TENM4: variants seen among roughly 807,000 people sequenced by gnomAD.
The protein encoded by TENM4 is teneurin transmembrane protein 4.
Under a neutral mutation model 243.3 loss-of-function variants are expected in TENM4, and 82 were observed. The ratio of observed to expected loss-of-function variants is 0.34; its 90% CI spans 0.28 to 0.40. The LOEUF is 0.40. Ranked by LOEUF, TENM4 falls within the 10% of genes least tolerant of loss-of-function variation. TENM4 has a pLI of 1.00. For synonymous variants in TENM4, 1,412 were observed against 1,456.3 expected (o/e 0.97, Z 0.69); for missense variants, 3,138 against 3,673.3 (o/e 0.85, Z 3.77).
intron 4 of TENM4, among the ~76,000 whole-genome samples, chr11:79,085,390 G>GAAA (rs1437598399): frequency 0.25 from 30,134 of 122,534 alleles, 3,318 homozygotes; most frequent in East Asian, 0.39. Context: ...AAAAAAAAAG[G>GAAA]GGGGTTTTTT....
chr11:78,927,094 G>A lies in TENM4; in HGVS notation c.494-23571C>T, dbSNP rs1856569762. Among the ~76,000 whole-genome samples, 7 of 152,346 alleles carry A rather than the reference G, an allele frequency of 4.6e-5. No homozygotes were observed. In the South Asian group the frequency reaches 1.4e-3, roughly 32 times the overall value. ...CTTGTAGTCCATGTATGAGCATGAT[G>A]TTGGAATTCCTTCACATGGATTATT... is the stretch of plus-strand genomic sequence containing the variant. On this transcript the variant is annotated intron_variant, in intron 6 of 33. Transcript: ENST00000278550.
Position 79,375,489 on chromosome 11 carries a change from C to T in TENM4, c.-321+65020G>A, listed in dbSNP as rs139948060. 7.9e-5 allele frequency among the ~76,000 whole-genome samples: 12 copies of T among 152,218 alleles called. No individual in the cohort carries two copies. In the East Asian group the frequency reaches 9.6e-4, roughly 12 times the overall value. On this transcript the variant is annotated intron_variant, in intron 1 of 33. Coordinates refer to ENST00000278550, the MANE Select transcript of TENM4 (RefSeq NM_001098816.3). ...AAACTTTTCTAATTTAAAAAATGCA[C>T]TGAAAACTTATTTAATGGTTAAAGA...
chr11:79,034,293 A>T (rs780087893), intron 6 of TENM4, among the ~76,000 whole-genome samples: 4 of 152,226 alleles, frequency 2.6e-5, no homozygotes, highest in Admixed American at 2.6e-4. Context: ...CCACTTCTGC[A>T]TGTCAGTTTC....
In TENM4 at chr11:79,357,632, A is replaced by G. The variant is rs570675696; in HGVS notation, c.-320-60089T>C. Among the ~76,000 whole-genome samples the G allele has an allele frequency of 3.9e-5, 6 of 152,372 alleles. No individual in the cohort carries two copies. The South Asian group carries it at 1.0e-3, about 26-fold the overall frequency. On this transcript the variant is annotated intron_variant, in intron 1 of 33. Transcript: ENST00000278550. ...AGTTCTCAAAGCATGTTTAAAGGCC[A>G]AATTTTAAACAGGCAAGTCATATTG...
rs958493043 is a variant in TENM4, at chr11:79,032,187, A to T, written c.493+32551T>A. Among the ~76,000 whole-genome samples, 24 of 152,320 alleles carry T rather than the reference A, an allele frequency of 1.6e-4. 1 individual carries two copies. The South Asian group carries it at 5.0e-3, about 32-fold the overall frequency. ...TTAAAACTGATGACAGGGGTTTGGG[A>T]TTCAGAGAAGGCCAATGGGAACACA... On this transcript the variant is annotated intron_variant, in intron 6 of 33. Transcript: ENST00000278550.
chr11:78,658,574 CA>C lies in TENM4; in HGVS notation c.7793del (p.Leu2598Ter). ...NEDGRRVAAI[L>X]NHAHYLENLH... ...GGTTCTCTAGGTAGTGGGCATGGTT[CA>C]AGATGGCAGCAACCCTTCGCCCATC... On this transcript the variant is annotated frameshift_variant, in exon 34 of 34. Coordinates refer to ENST00000278550, the MANE Select transcript of TENM4 (RefSeq NM_001098816.3). LOFTEE classifies it high-confidence loss of function. 1 of 1,613,970 alleles carries C rather than the reference CA, an allele frequency of 6.2e-7. No homozygotes were observed. Among genetic ancestry groups the C allele is most frequent in the Non-Finnish European group, 8.5e-7 (1 of 1,179,876 alleles).
intron 2 of TENM4, among the ~76,000 whole-genome samples, chr11:79,294,224 C>A (rs1856407099): frequency 6.6e-6 from 1 of 152,172 alleles, no homozygotes; most frequent in Non-Finnish European, 1.5e-5. Flanking sequence ...CTACTAATGA[C>A]CACTATGATT....
intron 6 of TENM4, among the ~76,000 whole-genome samples, chr11:78,910,229 C>T (rs982549379): frequency 4.6e-5 from 7 of 152,194 alleles, no homozygotes. Flanking sequence ...GGTCTCCTTG[C>T]TACGGAGCTA....
Position 78,923,439 on chromosome 11 carries a change from A to C in TENM4, c.494-19916T>G, listed in dbSNP as rs566442292. 2.0e-5 allele frequency among the ~76,000 whole-genome samples: 3 copies of C among 152,296 alleles called. No homozygotes were observed. The South Asian group carries it at 6.2e-4, about 32-fold the overall frequency. On this transcript the variant is annotated intron_variant, in intron 6 of 33. Transcript: ENST00000278550. ...AAGGGTGACCTCATCCCCTGAGCCA[A>C]TGAGTGTTTCAGGAATGAGCAGGTG...
chr11:79,420,368 A>G (rs1204021955), intron 1 of TENM4, among the ~76,000 whole-genome samples: 1 of 152,198 alleles, frequency 6.6e-6, no homozygotes, highest in Admixed American at 6.5e-5. Flanking sequence ...GGACTCTCCA[A>G]GCTTCCTGCT....
intron 6 of TENM4, among the ~76,000 whole-genome samples, chr11:78,999,876 C>T (rs1858270602): frequency 6.6e-6 from 1 of 152,004 alleles, no homozygotes; most frequent in Non-Finnish European, 1.5e-5. Context: ...ATTAAACTTC[C>T]CCTTATTTGA....
At chr11:79,366,916 T>C (rs1369562714) in intron 1 of TENM4, among the ~76,000 whole-genome samples, 1 of 152,208 alleles carries the variant, frequency 6.6e-6, no homozygotes, top group Non-Finnish European at 1.5e-5. Flanking sequence ...TATATATCAG[T>C]GAAAGCCTAG....
chr11:79,074,124 G>A (rs556115135), intron 4 of TENM4, among the ~76,000 whole-genome samples: 5 of 152,260 alleles, frequency 3.3e-5, no homozygotes, highest in Admixed American at 6.5e-5. Context: ...GAGAACATTC[G>A]CCTGGTTCTC....
chr11:78,808,618 C>T (rs1047736522), intron 14 of TENM4, among the ~76,000 whole-genome samples: 1 of 152,166 alleles, frequency 6.6e-6, no homozygotes, highest in South Asian at 2.1e-4. Flanking sequence ...TACAATCTTA[C>T]TGGTTCAGAA....
At chr11:79,304,037 G>A (rs1287301355) in intron 1 of TENM4, among the ~76,000 whole-genome samples, 1 of 152,162 alleles carries the variant, frequency 6.6e-6, no homozygotes, top group Admixed American at 6.5e-5. Context: ...TAAGCCCTGG[G>A]TACTTTGGGA....
At chr11:79,343,024 C>T (rs1307949419) in intron 1 of TENM4, among the ~76,000 whole-genome samples, 1 of 152,212 alleles carries the variant, frequency 6.6e-6, no homozygotes, top group Non-Finnish European at 1.5e-5. Flanking sequence ...GCCTGGTGGC[C>T]CTGCCCTGAA....
chr11:79,114,088 C>T (rs1035447117), intron 4 of TENM4, among the ~76,000 whole-genome samples: 1 of 152,178 alleles, frequency 6.6e-6, no homozygotes, highest in Non-Finnish European at 1.5e-5. Flanking sequence ...CTAACTCTGC[C>T]TCTATCTCAA....
intron 6 of TENM4, among the ~76,000 whole-genome samples, chr11:79,005,907 C>T (rs1468872404): frequency 1.3e-5 from 2 of 152,172 alleles, no homozygotes; most frequent in Non-Finnish European, 2.9e-5. Flanking sequence ...TTTCAGGATA[C>T]AAAATCAGTG....
At chr11:78,915,091 C>T (rs1856285126) in intron 6 of TENM4, among the ~76,000 whole-genome samples, 1 of 152,234 alleles carries the variant, frequency 6.6e-6, no homozygotes. Flanking sequence ...TCGCCACCTC[C>T]CTCTTTAAAA....
Sources: gnomAD v4.1 joint callset for allele counts (sites outside exome capture counted in the v4.1 genomes callset) on GRCh38, gnomAD v4.1.1 for gene constraint, MANE v1.5 for transcripts, NCBI Gene and HGNC (gene_info 2026-07-23, HGNC 2026-07-21) for gene names.